Variants in PLET1 observed in about 807,000 individuals in gnomAD.
The protein encoded by PLET1 is placenta-expressed transcript 1 protein.
PLET1 carries 20 observed loss-of-function variants against 18.5 expected under a neutral mutation model. That is an observed-to-expected ratio of 1.08 (90% confidence interval 0.76 to 1.57). The LOEUF (loss-of-function observed/expected upper bound fraction) is 1.57. Ranked by LOEUF, PLET1 falls within the 40% of genes most tolerant of loss-of-function variation. The pLI, the probability that PLET1 is intolerant of heterozygous loss-of-function variation, is 0.00. For synonymous variants in PLET1, 93 were observed against 93.8 expected (o/e 0.99, Z 0.05); for missense variants, 256 against 246.4 (o/e 1.04, Z -0.26).
intron 1 of PLET1, chr11:112,260,145 G>A: frequency 2.4e-6 from 1 of 409,086 alleles, no homozygotes; most frequent in Non-Finnish European, 4.3e-6. Flanking sequence ...TCTACCCCAA[G>A]TGTGCTCTTG....
chr11:112,253,809 A>G (rs879896650), intron 2 of PLET1, among the ~76,000 whole-genome samples: 3 of 152,208 alleles, frequency 2.0e-5, no homozygotes, highest in Non-Finnish European at 4.4e-5. Flanking sequence ...AGTCATCATT[A>G]CCAGCTTCCA....
At position 112,248,852 on chromosome 11, in the gene PLET1, T is replaced by G. The variant is rs1208470926; in HGVS notation, c.571A>C (p.Thr191Pro). 1 of 1,551,486 alleles carries G rather than the reference T, an allele frequency of 6.4e-7. No homozygotes were observed. Among genetic ancestry groups the G allele is most frequent in the East Asian group, 2.4e-5 (1 of 40,902 alleles). ...LANQVFSSPI[T>P]EAIYILLAFL... is the part of the protein sequence containing the mutation. ...GCAAGCAGGATATAAATGGCCTCTGTGATGGGGCTGCTGAAGACTTGGTTG... is the reference window on the plus strand; with the variant it reads ...GCAAGCAGGATATAAATGGCCTCTGGGATGGGGCTGCTGAAGACTTGGTTG... Residue 191 changes from threonine (T) to proline (P), a missense_variant, in exon 4 of 4, where the codon ACA becomes CCA. Transcript: ENST00000338832.
chr11:112,256,220 T>C (rs1048850341), intron 1 of PLET1, among the ~76,000 whole-genome samples: 59 of 152,334 alleles, frequency 3.9e-4, no homozygotes, highest in African/African-American at 1.3e-3. Context: ...AGCCTTCGGA[T>C]GTGTAATGGA....
chr11:112,256,559 A>ACG (rs1860226121), intron 1 of PLET1, among the ~76,000 whole-genome samples: 1 of 152,200 alleles, frequency 6.6e-6, no homozygotes, highest in Admixed American at 6.5e-5. Context: ...GGGGATAATG[A>ACG]TGTTATCCTT....
At position 112,248,937 on chromosome 11, in the gene PLET1, G is replaced by A. The variant is rs1338385613; in HGVS notation, c.486C>T (p.Ser162=). The change falls in exon 4 of 4, where the codon AGC becomes AGT. Residue 162 remains serine, a synonymous_variant. Coordinates refer to ENST00000338832, the MANE Select transcript of PLET1 (RefSeq NM_001145024.1). ...TLALAAKIPQ[S]SAFKPFFMIT... ...TCATGAAGAAAGGCTTGAAGGCTGA[G>A]CTCTGGGGAATCTTGGCAGCTAAGG... 3.3e-5 allele frequency: 51 copies of A among 1,551,032 alleles called. No homozygotes were observed. Among genetic ancestry groups the A allele is most frequent in the Non-Finnish European group, 4.4e-5 (50 of 1,146,982 alleles).
Position 112,248,978 on chromosome 11 carries a change from G to A in PLET1, c.449-4C>T. ...GCAGCTAAGGCTAAGGTTGACACTG[G>A]AAAGGTGGTTGAGGGTGCGGTTGGC... On this transcript the variant is annotated splice_polypyrimidine_tract_variant and splice_region_variant and intron_variant, in intron 3 of 3. Coordinates refer to ENST00000338832, the MANE Select transcript of PLET1 (RefSeq NM_001145024.1). 1 of 1,549,994 alleles carries A rather than the reference G, an allele frequency of 6.5e-7. No homozygotes were observed. Among genetic ancestry groups the A allele is most frequent in the Non-Finnish European group, 8.7e-7 (1 of 1,146,846 alleles).
chr11:112,248,611 A>G lies in PLET1; in HGVS notation c.*188T>C, dbSNP rs1860123837. 1 of 625,524 alleles carries G rather than the reference A, an allele frequency of 1.6e-6. No homozygotes were observed. The highest frequency in any genetic ancestry group is 1.9e-5 in the African/African-American group (1 of 54,024). The allele number at this position is 625,524 out of a possible 1,614,324, so 38.7% of individuals were successfully genotyped here. On this transcript the variant is annotated 3_prime_UTR_variant, in exon 4 of 4. Transcript: ENST00000338832. ...TGTGTCCTGAAAGATCCAGATGAACATCTATGTGACCCAAGCCTGCCAATG... is the reference window on the plus strand; with the variant it reads ...TGTGTCCTGAAAGATCCAGATGAACGTCTATGTGACCCAAGCCTGCCAATG...
rs992093647 is a variant in PLET1 at position 112,260,405 on chromosome 11, C to G, written c.184+1G>C. 2.6e-6 allele frequency: 4 copies of G among 1,550,100 alleles called. No homozygotes were observed. Among genetic ancestry groups the G allele is most frequent in the Admixed American group, 3.9e-5 (2 of 50,948 alleles). ...CAGCAGAGAGCATGGCTTCTACTCA[C>G]CAGAATAGACTGCATTGCTTTCGTA... On this transcript the variant is annotated splice_donor_variant, in intron 1 of 3. Coordinates refer to ENST00000338832, the MANE Select transcript of PLET1 (RefSeq NM_001145024.1). LOFTEE classifies it high-confidence loss of function.
chr11:112,253,532 T>C (rs1246289928), intron 2 of PLET1, among the ~76,000 whole-genome samples: 2 of 152,110 alleles, frequency 1.3e-5, no homozygotes, highest in Non-Finnish European at 2.9e-5. Context: ...GCCGTTTGTC[T>C]TGCGGATGGT....
At chr11:112,255,006 ATGTG>A (rs1368867027) in intron 2 of PLET1, among the ~76,000 whole-genome samples, 3 of 7,974 alleles carry the variant, frequency 3.8e-4, no homozygotes, top group Non-Finnish European at 7.3e-4. Context: ...TGTGGTATGT[ATGTG>A]TGTGTGGTGT....
In PLET1 at chr11:112,248,922, A is replaced by G; in HGVS notation, c.501T>C (p.Pro167=). Residue 167 remains proline, a synonymous_variant, in exon 4 of 4, where the codon CCT becomes CCC. Transcript: ENST00000338832. The part of the protein sequence containing the change: ...AKIPQSSAFK[P]FFMITPKSIR... ...TACTCTTGGGTGTAATCATGAAGAA[A>G]GGCTTGAAGGCTGAGCTCTGGGGAA... 6.4e-7 allele frequency: 1 copy of G among 1,551,234 alleles called. No individual in the cohort carries two copies. Among genetic ancestry groups the G allele is most frequent in the Non-Finnish European group, 8.7e-7 (1 of 1,146,986 alleles).
chr11:112,250,568 A>AT (rs1860145717), intron 3 of PLET1, among the ~76,000 whole-genome samples: 1 of 152,222 alleles, frequency 6.6e-6, no homozygotes, highest in African/African-American at 2.4e-5. Flanking sequence ...TCATGCTGTC[A>AT]GCCCACCCAC....
At chr11:112,258,262 A>G (rs1860245757) in intron 1 of PLET1, among the ~76,000 whole-genome samples, 8 of 146,428 alleles carry the variant, frequency 5.5e-5, no homozygotes, top group Admixed American at 4.8e-4. Context: ...GCATCTTCAT[A>G]TGATAGATTT....
At chr11:112,250,306 A>G (rs930259232) in intron 3 of PLET1, among the ~76,000 whole-genome samples, 1 of 131,074 alleles carries the variant, frequency 7.6e-6, no homozygotes, top group African/African-American at 2.7e-5. Context: ...ACACCATTTA[A>G]AAGTCAACTA....
chr11:112,260,686 A>G lies in PLET1; in HGVS notation c.-97T>C, dbSNP rs114791897. The G allele has an allele frequency of 3.1e-4, 338 of 1,074,368 alleles. No homozygotes were observed. The highest frequency in any genetic ancestry group is 4.1e-4 in the Non-Finnish European group (310 of 751,050). The allele number at this position is 1,074,368 out of a possible 1,614,324, so 66.6% of individuals were successfully genotyped here. A position where few individuals can be genotyped will look rare whatever the true frequency, so the allele number is the denominator to read the frequency against. ...CCAGGGCTTCTGGGTGAAGTCATAC[A>G]TGCAGATCTTCTCCCTGCCCCTTCT... On this transcript the variant is annotated 5_prime_UTR_variant, in exon 1 of 4. An upstream start codon of the reference 5' UTR is lost. Coordinates refer to ENST00000338832, the MANE Select transcript of PLET1 (RefSeq NM_001145024.1).
intron 2 of PLET1, among the ~76,000 whole-genome samples, chr11:112,253,225 T>C (rs1390218586): frequency 6.6e-6 from 1 of 152,202 alleles, no homozygotes; most frequent in African/African-American, 2.4e-5. Context: ...GAATGGTTTA[T>C]TGAGGAATTA....
At chr11:112,259,183 C>T (rs1231297501) in intron 1 of PLET1, among the ~76,000 whole-genome samples, 1 of 152,140 alleles carries the variant, frequency 6.6e-6, no homozygotes, top group Non-Finnish European at 1.5e-5. Flanking sequence ...CCCAGCACAT[C>T]GTAAGAAGGG....
chr11:112,259,206 A>T (rs1860259331), intron 1 of PLET1, among the ~76,000 whole-genome samples: 1 of 152,206 alleles, frequency 6.6e-6, no homozygotes, highest in African/African-American at 2.4e-5. Flanking sequence ...AGCTCTCACT[A>T]CTATAAGGAA....
At chr11:112,252,620 A>G (rs1592889611) in intron 2 of PLET1, among the ~76,000 whole-genome samples, 1 of 151,950 alleles carries the variant, frequency 6.6e-6, no homozygotes, top group Non-Finnish European at 1.5e-5. Flanking sequence ...TCCCATTCCA[A>G]CGCCCCTACC....
Sources: allele counts gnomAD v4.1 joint callset (sites outside exome capture counted in the v4.1 genomes callset), GRCh38; gene constraint gnomAD v4.1.1; transcripts MANE v1.5; gene names NCBI Gene and HGNC (gene_info 2026-07-23, HGNC 2026-07-21).